Variants in RAPGEF2 observed in about 807,000 individuals in gnomAD.
RAPGEF2 encodes the protein PDZ domain containing guanine nucleotide exchange factor (GEF) 1.
RAPGEF2 carries 54 observed loss-of-function variants against 186.7 expected under a neutral mutation model. The observed-to-expected ratio is 0.29, with a 90% CI of 0.23 to 0.36. RAPGEF2 has a LOEUF of 0.36. Among genes scored for constraint, RAPGEF2 ranks in the 10% least tolerant of loss-of-function variants. The pLI, the probability that RAPGEF2 is intolerant of heterozygous loss-of-function variation, is 1.00. For synonymous variants in RAPGEF2, 712 were observed against 705.9 expected, an observed-to-expected ratio of 1.01 and a Z score of -0.14; for missense variants, 1,532 against 2,045.0, an observed-to-expected ratio of 0.75 and a Z score of 4.84.
chr4:159,273,687 TTTCTTTC>T (rs1758471889), intron 7 of RAPGEF2, among the ~76,000 whole-genome samples: 1 of 149,932 alleles, frequency 6.7e-6, no homozygotes, highest in Admixed American at 6.7e-5. Context: ...TCTTTCTTTC[TTTCTTTC>T]TTTCTTTCTC....
chr4:159,148,342 T>G (rs1743163138), intron 1 of RAPGEF2, among the ~76,000 whole-genome samples: 1 of 152,216 alleles, frequency 6.6e-6, no homozygotes, highest in African/African-American at 2.4e-5. Flanking sequence ...GAGTAGATGT[T>G]GAAAATTGTA....
At chr4:159,137,303 C>T (rs987723806) in intron 1 of RAPGEF2, among the ~76,000 whole-genome samples, 13 of 152,194 alleles carry the variant, frequency 8.5e-5, no homozygotes, top group Non-Finnish European at 1.8e-4. Flanking sequence ...TCCTGGCCTG[C>T]AGACTGCTTT....
At chr4:159,122,406 G>T (rs1739797788) in intron 1 of RAPGEF2, among the ~76,000 whole-genome samples, 1 of 151,536 alleles carries the variant, frequency 6.6e-6, no homozygotes, top group African/African-American at 2.4e-5. Context: ...TTGAACTCAG[G>T]AGGCAGAGAT....
intron 24 of RAPGEF2, among the ~76,000 whole-genome samples, chr4:159,346,259 A>G (rs1326816164): frequency 6.6e-6 from 1 of 152,210 alleles, no homozygotes; most frequent in East Asian, 1.9e-4. Context: ...CTACCACAAA[A>G]TATATACTCA....
intron 25 of RAPGEF2, among the ~76,000 whole-genome samples, chr4:159,347,462 G>A (rs1234336004): frequency 6.6e-6 from 1 of 152,202 alleles, no homozygotes; most frequent in Non-Finnish European, 1.5e-5. Flanking sequence ...ATATGAAGGA[G>A]CTAAATTACA....
chr4:159,182,914 T>G (rs1330547131), intron 1 of RAPGEF2, among the ~76,000 whole-genome samples: 1 of 152,094 alleles, frequency 6.6e-6, no homozygotes, highest in Non-Finnish European at 1.5e-5. Flanking sequence ...TTAAAAGAAA[T>G]CACAGAAGAC....
chr4:159,195,889 T>G (rs1380804504), intron 3 of RAPGEF2, among the ~76,000 whole-genome samples: 5 of 147,216 alleles, frequency 3.4e-5, no homozygotes, highest in Admixed American at 6.8e-5. Flanking sequence ...TTTTTTTTTT[T>G]TTTTTTTTTT....
At position 159,330,482 on chromosome 4, in the gene RAPGEF2, C is replaced by T. The variant is rs762849442; in HGVS notation, c.1451C>T (p.Pro484Leu). 11 of 1,601,212 alleles carry T rather than the reference C, an allele frequency of 6.9e-6. No individual in the cohort carries two copies. Among genetic ancestry groups the T allele is most frequent in the South Asian group, 2.3e-5 (2 of 88,100 alleles). ...AAGTTATTGGAGTGGTTTAATGACCCGAGCCTCAGGGATAAGGTTGGAAAT... is the reference window on the plus strand; with the variant it reads ...AAGTTATTGGAGTGGTTTAATGACCTGAGCCTCAGGGATAAGGTTGGAAAT... The part of the protein sequence containing the change: ...GKKLLEWFND[P>L]SLRDKVTRVV... The change falls in exon 13 of 30, where the codon CCG becomes CTG. Residue 484 changes from proline (P) to leucine (L), a missense_variant. Coordinates refer to ENST00000691494, the MANE Select transcript of RAPGEF2 (RefSeq NM_001394067.2).
chr4:159,164,002 C>G (rs1490506354), intron 1 of RAPGEF2, among the ~76,000 whole-genome samples: 2 of 151,698 alleles, frequency 1.3e-5, no homozygotes, highest in African/African-American at 2.4e-5. Flanking sequence ...ATCAGTAGTA[C>G]TGGTAGTTTT....
Position 159,173,528 on chromosome 4 carries a change from C to T in RAPGEF2, c.70-13114C>T, listed in dbSNP as rs192637492. On this transcript the variant is annotated intron_variant, in intron 1 of 29. Transcript: ENST00000691494. The stretch of plus-strand genomic sequence containing the variant: ...GTATAGCAGCCCCTGTCTGTCCACC[C>T]CCAGCTCAACAAGGTTTCTAGGAGG... 3.3e-5 allele frequency among the ~76,000 whole-genome samples: 5 copies of T among 152,204 alleles called. No homozygotes were observed. The East Asian group carries it at 9.7e-4, about 29-fold the overall frequency.
intron 3 of RAPGEF2, among the ~76,000 whole-genome samples, chr4:159,200,872 T>C (rs1749328839): frequency 6.6e-6 from 1 of 152,184 alleles, no homozygotes; most frequent in Non-Finnish European, 1.5e-5. Flanking sequence ...TCATTTGTTT[T>C]CTTATTGTGG....
At chr4:159,312,419 A>G (rs527767211) in intron 8 of RAPGEF2, among the ~76,000 whole-genome samples, 3 of 152,276 alleles carry the variant, frequency 2.0e-5, no homozygotes, top group East Asian at 1.9e-4. Flanking sequence ...TGCTGATAAC[A>G]ATGTTGACCT....
At chr4:159,149,765 G>C (rs1253698501) in intron 1 of RAPGEF2, among the ~76,000 whole-genome samples, 1 of 152,182 alleles carries the variant, frequency 6.6e-6, no homozygotes, top group Non-Finnish European at 1.5e-5. Flanking sequence ...TGTCCAGTCT[G>C]GTAAGCATCT....
At chr4:159,284,092 A>G (rs1760104573) in intron 7 of RAPGEF2, among the ~76,000 whole-genome samples, 1 of 152,250 alleles carries the variant, frequency 6.6e-6, no homozygotes, top group South Asian at 2.1e-4. Context: ...TGTCAGGCTG[A>G]AGTTTCTTTA....
At chr4:159,104,553 A>AGTGT (rs1219918425) in intron 1 of RAPGEF2, among the ~76,000 whole-genome samples, 3,620 of 135,960 alleles carry the variant, frequency 0.027, 168 homozygotes, top group African/African-American at 0.074. Context: ...AGAGAGAGAG[A>AGTGT]GTGTGTGTGT....
intron 4 of RAPGEF2, among the ~76,000 whole-genome samples, chr4:159,234,508 G>A (rs929702279): frequency 3.3e-5 from 5 of 150,514 alleles, no homozygotes; most frequent in African/African-American, 7.3e-5. Context: ...TCAGCCTCTC[G>A]AGTAGCTGGG....
chr4:159,330,652 A>G, intron 13 of RAPGEF2, 154 bp downstream of exon 13: 1 of 576,718 alleles, frequency 1.7e-6, no homozygotes, highest in Non-Finnish European at 2.9e-6. Flanking sequence ...AACAAAAAAA[A>G]AGGTGATACA....
chr4:159,210,794 C>G (rs1750443615), intron 4 of RAPGEF2, among the ~76,000 whole-genome samples: 1 of 152,184 alleles, frequency 6.6e-6, no homozygotes, highest in Admixed American at 6.5e-5. Context: ...GAACAGAAAA[C>G]ATGCTGATGA....
intron 7 of RAPGEF2, among the ~76,000 whole-genome samples, chr4:159,254,161 C>T (rs1260690901): frequency 6.6e-6 from 1 of 152,276 alleles, no homozygotes; most frequent in African/African-American, 2.4e-5. Context: ...CACTTTAATA[C>T]TGGCATTTTC....
Sources: gnomAD v4.1 joint callset for allele counts (sites outside exome capture counted in the v4.1 genomes callset) on GRCh38, gnomAD v4.1.1 for gene constraint, MANE v1.5 for transcripts, NCBI Gene and HGNC (gene_info 2026-07-23, HGNC 2026-07-21) for gene names.